The following DNMBP variants were observed in gnomAD, a reference collection of about 807,000 sequenced individuals.
DNMBP encodes the protein dynamin binding protein, also known as dynamin-binding protein.
Under a neutral mutation model 150.0 loss-of-function variants are expected in DNMBP, and 87 were observed. The observed-to-expected ratio is 0.58, with a 90% CI of 0.49 to 0.69. The LOEUF (loss-of-function observed/expected upper bound fraction) is 0.69. DNMBP is among the 30% of genes least tolerant of loss of function. The pLI is 0.00. For synonymous variants in DNMBP, 711 were observed against 750.4 expected (o/e 0.95, Z 0.86); for missense variants, 1,774 against 1,949.0 (o/e 0.91, Z 1.69).
chr10:99,959,524 CA>C (rs1325640833), intron 3 of DNMBP, among the ~76,000 whole-genome samples: 1 of 151,698 alleles, frequency 6.6e-6, no homozygotes, highest in Non-Finnish European at 1.5e-5. Context: ...CCCAAAAAAA[CA>C]AAAAAGCTCT....
At chr10:100,009,460 G>A (rs2041109460) in intron 1 of DNMBP, among the ~76,000 whole-genome samples, 1 of 152,274 alleles carries the variant, frequency 6.6e-6, no homozygotes, top group Non-Finnish European at 1.5e-5. Flanking sequence ...AAAATCAGCG[G>A]GGTGGACTAA....
At chr10:99,938,982 A>G (rs2040264414) in intron 4 of DNMBP, among the ~76,000 whole-genome samples, 1 of 152,152 alleles carries the variant, frequency 6.6e-6, no homozygotes, top group Non-Finnish European at 1.5e-5. Context: ...GTGGGCCATC[A>G]TGACTATCTG....
intron 11 of DNMBP, among the ~76,000 whole-genome samples, chr10:99,892,666 T>A (rs1564720197): frequency 6.2e-5 from 9 of 145,374 alleles, no homozygotes; most frequent in Non-Finnish European, 1.1e-4. Flanking sequence ...AGACCTTTGT[T>A]CACTTGTTTA....
rs545640840 is a variant in DNMBP at position 99,959,679 on chromosome 10, C to T, written c.269-2474G>A. 3.3e-5 allele frequency among the ~76,000 whole-genome samples: 5 copies of T among 151,310 alleles called. No homozygotes were observed. In the South Asian group the frequency reaches 8.4e-4, roughly 25 times the overall value. ...ATCAGCCTGGGCAACATAGTGAGAC[C>T]GCGTCTCTATTTAAAATTTAAAAAA... On this transcript the variant is annotated intron_variant, in intron 3 of 16. Coordinates refer to ENST00000324109, the MANE Select transcript of DNMBP (RefSeq NM_015221.4).
rs139272035 is a variant in DNMBP, at chr10:99,947,597, T to C, written c.2260+7617A>G. ...AGGGAGGGAGGGAGGGAGGCAAAGG[T>C]TGAAAAACTGCCTATTAGGTACTAT... On this transcript the variant is annotated intron_variant, in intron 4 of 16. Transcript: ENST00000324109. Among the ~76,000 whole-genome samples, 1,011 of 151,750 alleles carry C rather than the reference T, an allele frequency of 6.7e-3. 11 individuals are homozygous for C. The highest frequency in any genetic ancestry group is 0.023 in the African/African-American group (966 of 41,350).
At chr10:99,954,288 G>A (rs755417798) in intron 4 of DNMBP, among the ~76,000 whole-genome samples, 58 of 151,660 alleles carry the variant, frequency 3.8e-4, no homozygotes, top group Non-Finnish European at 6.2e-4. Context: ...TCCACCCACC[G>A]CAGCCTTCCG....
intron 1 of DNMBP, among the ~76,000 whole-genome samples, chr10:99,977,222 T>C (rs1294695076): frequency 2.0e-5 from 3 of 152,190 alleles, no homozygotes. Flanking sequence ...CTAAATTACA[T>C]GATTCATGTG....
intron 10 of DNMBP, 121 bp from the exon 11 acceptor site, chr10:99,895,171 G>C: frequency 3.3e-6 from 2 of 610,332 alleles, no homozygotes; most frequent in East Asian, 5.7e-5. Flanking sequence ...TTGTCGTCCA[G>C]GTTGGAGTGC....
intron 4 of DNMBP, among the ~76,000 whole-genome samples, chr10:99,910,564 T>C (rs2039886718): frequency 6.6e-6 from 1 of 152,196 alleles, no homozygotes; most frequent in African/African-American, 2.4e-5. Flanking sequence ...TCCAGTGTTT[T>C]AGAATACAAC....
chr10:99,924,500 C>T (rs780624657), intron 4 of DNMBP, among the ~76,000 whole-genome samples: 1 of 152,210 alleles, frequency 6.6e-6, no homozygotes, highest in African/African-American at 2.4e-5. Context: ...TACCTTCCAA[C>T]TGTCCATAGC....
chr10:99,960,666 T>TG (rs61403359), intron 3 of DNMBP, among the ~76,000 whole-genome samples: 3,775 of 151,740 alleles, frequency 0.025, 92 homozygotes, highest in African/African-American at 0.066. Flanking sequence ...ATTAGCCAGG[T>TG]GGGGGGGTGC....
In DNMBP at chr10:99,955,850, C is replaced by T; in HGVS notation, c.1624G>A (p.Gly542Arg). 5.0e-6 allele frequency: 8 copies of T among 1,614,208 alleles called. No individual in the cohort carries two copies. The highest frequency in any genetic ancestry group is 6.8e-6 in the Non-Finnish European group (8 of 1,180,040). Residue 542 changes from glycine to arginine, a missense_variant, in exon 4 of 17, where the codon GGA becomes AGA. Gly to Arg is a moderately radical substitution (Grantham distance 125, BLOSUM62 -2). Coordinates refer to ENST00000324109, the MANE Select transcript of DNMBP (RefSeq NM_015221.4). The part of the protein sequence containing the change: ...LVMEAATHSQ[G>R]DGSTDLDSKL... ...GAGTCCAGGTCAGTGCTGCCGTCTC[C>T]CTGTGAATGTGTTGCTGCTTCCATA...
intron 7 of DNMBP, 164 bp downstream of exon 7, chr10:99,899,755 T>G (rs1041830385): frequency 9.7e-6 from 8 of 824,180 alleles, no homozygotes; most frequent in African/African-American, 5.1e-5. Flanking sequence ...CAGATAAAAC[T>G]TATTCACATG....
chr10:99,879,775 G>T, intron 16 of DNMBP, 36 bp downstream of exon 16: 1 of 1,607,340 alleles, frequency 6.2e-7, no homozygotes, highest in Non-Finnish European at 8.5e-7. Flanking sequence ...ATCTGCTGCC[G>T]CCTGTGCCAC....
At chr10:99,989,152 T>C (rs1589451076) in intron 1 of DNMBP, among the ~76,000 whole-genome samples, 1 of 152,342 alleles carries the variant, frequency 6.6e-6, no homozygotes, top group South Asian at 2.1e-4. Context: ...TCATTATGTA[T>C]ATCATTAATA....
At position 99,938,841 on chromosome 10, in the gene DNMBP, T is replaced by C. The variant is rs139374227; in HGVS notation, c.2260+16373A>G. Among the ~76,000 whole-genome samples, 1,281 of 152,212 alleles carry C rather than the reference T, an allele frequency of 8.4e-3. 18 individuals carry two copies. Among genetic ancestry groups the C allele is most frequent in the Middle Eastern group, 0.044 (13 of 294 alleles). On this transcript the variant is annotated intron_variant, in intron 4 of 16. Coordinates refer to ENST00000324109, the MANE Select transcript of DNMBP (RefSeq NM_015221.4). ...CTCAATGGTAGGACTGCTGGTGAAA[T>C]AGAACCCTGTAGACAACCATCCCTC...
intron 2 of DNMBP, 147 bp downstream of exon 2, chr10:99,971,833 T>G: frequency 1.1e-6 from 1 of 895,630 alleles, no homozygotes; most frequent in Non-Finnish European, 1.7e-6. Context: ...CAGCTAGGAA[T>G]AATTTTCTTT....
chr10:99,933,402 C>T (rs2040182871), intron 4 of DNMBP, among the ~76,000 whole-genome samples: 1 of 152,216 alleles, frequency 6.6e-6, no homozygotes, highest in Admixed American at 6.5e-5. Flanking sequence ...TGAAGATTCA[C>T]CTTTACTGTG....
intron 3 of DNMBP, among the ~76,000 whole-genome samples, chr10:99,964,235 C>T (rs374632452): frequency 3.4e-5 from 5 of 147,746 alleles, no homozygotes; most frequent in East Asian, 4.0e-4. Context: ...CTCTGCTTTC[C>T]GGGTTCGAGC....
Sources: allele counts gnomAD v4.1 joint callset (sites outside exome capture counted in the v4.1 genomes callset), GRCh38; gene constraint gnomAD v4.1.1; transcripts MANE v1.5; gene names NCBI Gene and HGNC (gene_info 2026-07-23, HGNC 2026-07-21).